Variants in LRRIQ1 observed in about 807,000 individuals in gnomAD.
The protein encoded by LRRIQ1 is leucine-rich repeat- and IQ domain-containing protein 1.
LRRIQ1 carries 210 observed loss-of-function variants against 211.9 expected under a neutral mutation model. That is an observed-to-expected ratio of 0.99 (90% CI 0.89 to 1.11). The LOEUF is 1.11. Ranked by LOEUF, LRRIQ1 falls within the 50% of genes most tolerant of loss-of-function variation. LRRIQ1 has a pLI of 0.00. For missense variants in LRRIQ1, 2,136 were observed against 1,939.5 expected (o/e 1.10, Z -1.90); for synonymous variants, 699 against 650.1 (o/e 1.08, Z -1.14).
intron 11 of LRRIQ1, among the ~76,000 whole-genome samples, chr12:85,083,076 G>A (rs1029194838): frequency 7.2e-5 from 11 of 152,144 alleles, no homozygotes; most frequent in African/African-American, 2.7e-4. Flanking sequence ...CGGGATAAGA[G>A]ATTTAACTTT....
intron 25 of LRRIQ1, among the ~76,000 whole-genome samples, chr12:85,232,485 T>G (rs1894988678): frequency 6.6e-6 from 1 of 152,182 alleles, no homozygotes; most frequent in African/African-American, 2.4e-5. Context: ...TGAAGTGTTA[T>G]TAGAAATTGA....
intron 18 of LRRIQ1, 105 bp downstream of exon 18, chr12:85,128,138 A>G (rs1411163416): frequency 2.2e-6 from 2 of 890,774 alleles, no homozygotes; most frequent in Non-Finnish European, 3.5e-6. Flanking sequence ...GATTACAGTT[A>G]TGTAGATTTA....
At chr12:85,186,509 T>C (rs1363552174) in intron 24 of LRRIQ1, among the ~76,000 whole-genome samples, 2 of 152,150 alleles carry the variant, frequency 1.3e-5, no homozygotes, top group Non-Finnish European at 2.9e-5. Flanking sequence ...CCAGGAAGGT[T>C]GGTCTGCCTG....
intron 15 of LRRIQ1, among the ~76,000 whole-genome samples, chr12:85,109,604 G>A (rs1014312721): frequency 3.3e-5 from 5 of 152,088 alleles, no homozygotes; most frequent in African/African-American, 1.2e-4. Flanking sequence ...TCAAAGGTGT[G>A]TCTCTTGACC....
chr12:85,044,661 T>G, intron 3 of LRRIQ1, 57 bp from the exon 4 acceptor site: 60 of 810,672 alleles, frequency 7.4e-5, no homozygotes, highest in Non-Finnish European at 1.0e-4. Flanking sequence ...TTTGAAATTT[T>G]GAGATGTTGT....
chr12:85,055,638 A>G lies in LRRIQ1; in HGVS notation c.845A>G (p.Gln282Arg). 6.3e-7 allele frequency: 1 copy of G among 1,591,156 alleles called. No homozygotes were observed. The highest frequency in any genetic ancestry group is 8.5e-7 in the Non-Finnish European group (1 of 1,173,542). The change falls in exon 8 of 27, where the codon CAG (glutamine) becomes CGG (arginine). Residue 282 changes from glutamine (Q) to arginine (R), a missense_variant. Physicochemically the swap from Gln to Arg is conservative, Grantham distance 43 (BLOSUM62 1). Coordinates refer to ENST00000393217, the MANE Select transcript of LRRIQ1 (RefSeq NM_001079910.2). ...AAAGAAAAAAATTCTTTGTTAAAAC[A>G]GCAGAATAATGCAGCTGTTAAAATT... ...QEKEKNSLLK[Q>R]QNNAAVKIQA...
chr12:85,210,737 G>A (rs1317631122), intron 24 of LRRIQ1, among the ~76,000 whole-genome samples: 1 of 152,000 alleles, frequency 6.6e-6, no homozygotes, highest in African/African-American at 2.4e-5. Context: ...TGGAAGTGAG[G>A]CATGTACTGC....
chr12:85,124,358 A>T lies in LRRIQ1; in HGVS notation c.3846A>T (p.Thr1282=). 2 of 1,614,146 alleles carry T rather than the reference A, an allele frequency of 1.2e-6. No individual in the cohort carries two copies. The highest frequency in any genetic ancestry group is 1.7e-6 in the Non-Finnish European group (2 of 1,180,030). Reference sequence around the variant, plus strand: ...ACTCCCCATTAAGCAAATCCGCCACATGTGAAAATATGGAAGGAAGACATC... The same window carrying T: ...ACTCCCCATTAAGCAAATCCGCCACTTGTGAAAATATGGAAGGAAGACATC... The part of the protein sequence containing the change: ...SSHSPLSKSA[T]CENMEGRHQE... Residue 1282 remains threonine (T), a synonymous_variant, in exon 17 of 27, where the codon ACA becomes ACT. Coordinates refer to ENST00000393217, the MANE Select transcript of LRRIQ1 (RefSeq NM_001079910.2).
chr12:85,076,520 A>C, intron 11 of LRRIQ1: 5 of 383,980 alleles, frequency 1.3e-5, no homozygotes, highest in Non-Finnish European at 1.8e-5. Context: ...TGTAAATAGT[A>C]GAGATACTAA....
At chr12:85,155,369 T>C (rs1890487456) in intron 23 of LRRIQ1, among the ~76,000 whole-genome samples, 1 of 151,596 alleles carries the variant, frequency 6.6e-6, no homozygotes, top group Non-Finnish European at 1.5e-5. Flanking sequence ...CTGAACTGAA[T>C]GCTATGTGGT....
intron 9 of LRRIQ1, 139 bp downstream of exon 9, chr12:85,065,553 T>C (rs961122399): frequency 1.6e-6 from 1 of 615,360 alleles, no homozygotes; most frequent in Non-Finnish European, 2.4e-6. Context: ...TCAGGTGGTA[T>C]GGTAAAGTTT....
chr12:85,223,563 T>C (rs1291693971), intron 24 of LRRIQ1, among the ~76,000 whole-genome samples: 2 of 152,188 alleles, frequency 1.3e-5, no homozygotes, highest in African/African-American at 2.4e-5. Context: ...AATCCTCTTA[T>C]ATCTCATGCA....
intron 26 of LRRIQ1, among the ~76,000 whole-genome samples, chr12:85,237,754 C>A (rs762838384): frequency 6.6e-6 from 1 of 151,848 alleles, no homozygotes; most frequent in Non-Finnish European, 1.5e-5. Flanking sequence ...TCAAAAAGAC[C>A]AAGTTAATCA....
rs1433277665 is a variant in LRRIQ1, at chr12:85,232,766, G to A, written c.5016+10G>A. The A allele has an allele frequency of 6.2e-7, 1 of 1,606,528 alleles. No homozygotes were observed. The highest frequency in any genetic ancestry group is 8.5e-7 in the Non-Finnish European group (1 of 1,173,720). On this transcript the variant is annotated intron_variant, in intron 26 of 26. Transcript: ENST00000393217. ...AAGAGTTCAGCTTGTGGTAAGAAAT[G>A]TGCTTAAAGTTACAGAAAAATGTTG...
intron 24 of LRRIQ1, among the ~76,000 whole-genome samples, chr12:85,173,204 T>G (rs1891504196): frequency 6.6e-6 from 1 of 152,202 alleles, no homozygotes; most frequent in African/African-American, 2.4e-5. Flanking sequence ...ATTCTGTAAA[T>G]TTAACATTAA....
chr12:85,042,886 C>T (rs193225262), intron 3 of LRRIQ1, among the ~76,000 whole-genome samples: 22 of 152,114 alleles, frequency 1.4e-4, no homozygotes, highest in African/African-American at 5.3e-4. Flanking sequence ...ACAAGCATAG[C>T]ACAGATAAAA....
At chr12:85,232,153 T>G (rs1197242824) in intron 25 of LRRIQ1, among the ~76,000 whole-genome samples, 1 of 152,100 alleles carries the variant, frequency 6.6e-6, no homozygotes. Flanking sequence ...GTTAATAAAC[T>G]TTCTCCTTTG....
chr12:85,249,083 A>T (rs1458065299), downstream of LRRIQ1, among the ~76,000 whole-genome samples: 2 of 151,790 alleles, frequency 1.3e-5, no homozygotes, highest in African/African-American at 4.8e-5. Context: ...AACATTACAT[A>T]CTTCCTCTAA....
chr12:85,129,178 T>C (rs1446671480), intron 18 of LRRIQ1, among the ~76,000 whole-genome samples: 2 of 152,178 alleles, frequency 1.3e-5, no homozygotes, highest in Non-Finnish European at 2.9e-5. Context: ...ATCACACTCA[T>C]TTTTAAAAAT....
Sources: allele counts gnomAD v4.1 joint callset (sites outside exome capture counted in the v4.1 genomes callset), GRCh38; gene constraint gnomAD v4.1.1; transcripts MANE v1.5; gene names NCBI Gene and HGNC (gene_info 2026-07-23, HGNC 2026-07-21).